Variants in PDE9A observed in about 807,000 individuals in gnomAD.
PDE9A encodes high affinity cGMP-specific 3',5'-cyclic phosphodiesterase 9A.
In PDE9A, 60 loss-of-function variants were observed where a neutral mutation model predicts 87.4. The ratio of observed to expected loss-of-function variants is 0.69; its 90% CI spans 0.56 to 0.85. PDE9A has a LOEUF of 0.85. Among genes scored for constraint, PDE9A ranks in the 40% least tolerant of loss-of-function variants. The pLI, the probability that PDE9A is intolerant of heterozygous loss-of-function variation, is 0.00. For missense variants in PDE9A, 665 were observed against 779.0 expected (o/e 0.85, Z 1.74); for synonymous variants, 272 against 279.4 (o/e 0.97, Z 0.27).
Position 42,760,807 on chromosome 21 carries a change from C to T in PDE9A, c.1003-18C>T. On this transcript the variant is annotated intron_variant, in intron 12 of 19. Transcript: ENST00000291539. The surrounding 1 kb of genome is among the most constrained non-coding windows in gnomAD (Gnocchi z 5.2). Reference sequence around the variant, plus strand: ...CGAGTGAAGAGAGCAAACACCTACGCCCTGTTTTCCAATCCAGGAGAAGTT... The same window carrying T: ...CGAGTGAAGAGAGCAAACACCTACGTCCTGTTTTCCAATCCAGGAGAAGTT... 1 of 1,516,268 alleles carries T rather than the reference C, an allele frequency of 6.6e-7. No homozygotes were observed. Among genetic ancestry groups the T allele is most frequent in the South Asian group, 1.1e-5 (1 of 88,698 alleles). 93.9% of individuals were successfully genotyped at this position (1,516,268 alleles called of 1,614,324 possible).
At chr21:42,736,377 G>A (rs2052437815) in intron 7 of PDE9A, among the ~76,000 whole-genome samples, 1 of 152,140 alleles carries the variant, frequency 6.6e-6, no homozygotes, top group Non-Finnish European at 1.5e-5. Context: ...TGAAGGAAAT[G>A]GCCCATAGGA....
intron 9 of PDE9A, 54 bp downstream of exon 9, chr21:42,751,251 C>A: frequency 7.7e-7 from 1 of 1,293,602 alleles, no homozygotes; most frequent in Non-Finnish European, 1.1e-6. Context: ...CAGCCCCACG[C>A]CCAGCCCTGT....
At chr21:42,693,974 A>G (rs2060010201) in intron 3 of PDE9A, among the ~76,000 whole-genome samples, 1 of 151,086 alleles carries the variant, frequency 6.6e-6, no homozygotes. Context: ...TTTTTTTTTT[A>G]AAGCTCTGCA....
chr21:42,757,157 G>A (rs968228621), intron 10 of PDE9A: 2 of 152,304 alleles, frequency 1.3e-5, no homozygotes, highest in African/African-American at 2.4e-5. Flanking sequence ...CCTCACGTGG[G>A]GCCCCATCTC....
chr21:42,711,828 C>T lies in PDE9A; in HGVS notation c.262+12817C>T, dbSNP rs73905757. Among the ~76,000 whole-genome samples the T allele has an allele frequency of 4.1e-3, 617 of 152,202 alleles. 4 individuals are homozygous for T. The highest frequency in any genetic ancestry group is 0.014 in the African/African-American group (575 of 41,526). ...CACTTGTTAAAAAGACTCCTTTTCC[C>T]GCTGAATCCATGGCTCCTTTGTTGA... On this transcript the variant is annotated intron_variant, in intron 4 of 19. Coordinates refer to ENST00000291539, the MANE Select transcript of PDE9A (RefSeq NM_002606.3).
intron 4 of PDE9A, among the ~76,000 whole-genome samples, chr21:42,717,518 TG>T: frequency 6.7e-6 from 1 of 148,156 alleles, no homozygotes. Flanking sequence ...CACTCCAGCC[TG>T]GGCAAGAGAG....
intron 4 of PDE9A, among the ~76,000 whole-genome samples, chr21:42,724,985 G>C (rs1265843367): frequency 6.6e-6 from 1 of 152,160 alleles, no homozygotes; most frequent in Non-Finnish European, 1.5e-5. Context: ...GCAAGGATAG[G>C]TTCACACGCT....
chr21:42,713,015 C>G (rs1008214567), intron 4 of PDE9A, among the ~76,000 whole-genome samples: 4 of 152,148 alleles, frequency 2.6e-5, no homozygotes, highest in Admixed American at 2.0e-4. Flanking sequence ...AGGAAATTTC[C>G]TGGGGTAAAC....
intron 8 of PDE9A, among the ~76,000 whole-genome samples, chr21:42,749,985 A>G (rs2054253298): frequency 1.3e-5 from 2 of 152,152 alleles, no homozygotes; most frequent in Admixed American, 1.3e-4. Flanking sequence ...TAAAAGTACA[A>G]AAATTAGTCA....
intron 18 of PDE9A, 70 bp from the exon 19 acceptor site, chr21:42,772,369 T>G: frequency 9.8e-7 from 1 of 1,019,550 alleles, no homozygotes; most frequent in Non-Finnish European, 1.5e-6. Flanking sequence ...CAGAAGCTGC[T>G]GGGAGAGAGG....
At chr21:42,710,421 A>AG (rs1003499904) in intron 4 of PDE9A, among the ~76,000 whole-genome samples, 5 of 150,938 alleles carry the variant, frequency 3.3e-5, no homozygotes, top group South Asian at 2.1e-4. Context: ...AAAAAAAAAA[A>AG]AAAGAAAGAA....
intron 1 of PDE9A, among the ~76,000 whole-genome samples, chr21:42,679,828 G>A (rs1347388718): frequency 6.6e-6 from 1 of 152,210 alleles, no homozygotes; most frequent in Non-Finnish European, 1.5e-5. Flanking sequence ...CATGGGTTTC[G>A]CAGCCCCCTG....
At chr21:42,686,043 G>A (rs937372788) in intron 1 of PDE9A, 149 bp from the exon 2 acceptor site, 3 of 611,296 alleles carry the variant, frequency 4.9e-6, no homozygotes, top group Non-Finnish European at 6.0e-6. Context: ...ATGAAAAGAT[G>A]AGCCTGTGAC....
intron 4 of PDE9A, among the ~76,000 whole-genome samples, chr21:42,706,471 CCTGTCT>C (rs778205612): frequency 8.7e-4 from 132 of 152,136 alleles, no homozygotes; most frequent in Non-Finnish European, 1.5e-3. Flanking sequence ...ATGGTGAAAC[CCTGTCT>C]CTACTAAAAA....
At chr21:42,674,114 C>G (rs991010165) in intron 1 of PDE9A, among the ~76,000 whole-genome samples, 1 of 152,248 alleles carries the variant, frequency 6.6e-6, no homozygotes, top group African/African-American at 2.4e-5. Context: ...GTAACACAGG[C>G]GACCAGGAGC....
chr21:42,658,016 G>A (rs992751804), intron 1 of PDE9A, among the ~76,000 whole-genome samples: 2 of 152,248 alleles, frequency 1.3e-5, no homozygotes, highest in African/African-American at 2.4e-5. Context: ...CGCAGAAGTC[G>A]GCTCCCAGTT....
chr21:42,677,342 C>T (rs975215956), intron 1 of PDE9A, among the ~76,000 whole-genome samples: 1 of 152,216 alleles, frequency 6.6e-6, no homozygotes, highest in African/African-American at 2.4e-5. Context: ...AACCTCAAAG[C>T]ATGACTTCCC....
chr21:42,711,344 G>A (rs945734717), intron 4 of PDE9A, among the ~76,000 whole-genome samples: 7 of 149,912 alleles, frequency 4.7e-5, no homozygotes, highest in African/African-American at 1.5e-4. Flanking sequence ...TCCGCCTCCC[G>A]GGTTCAAGTG....
chr21:42,680,195 G>A (rs1015195940), intron 1 of PDE9A, among the ~76,000 whole-genome samples: 13 of 152,236 alleles, frequency 8.5e-5, no homozygotes, highest in African/African-American at 2.9e-4. Context: ...GGCCAGCCCG[G>A]CACTAAACCC....
Sources: allele counts gnomAD v4.1 joint callset (sites outside exome capture counted in the v4.1 genomes callset), GRCh38; gene constraint gnomAD v4.1.1; non-coding constraint Gnocchi (gnomAD v3.1); transcripts MANE v1.5; gene names NCBI Gene and HGNC (gene_info 2026-07-23, HGNC 2026-07-21).